Variants in MYLK3 observed in about 807,000 individuals in gnomAD.
MYLK3 encodes MLC kinase.
Under a neutral mutation model 76.3 loss-of-function variants are expected in MYLK3, and 55 were observed. That is an observed-to-expected ratio of 0.72 (90% CI 0.58 to 0.90). The LOEUF is 0.90. MYLK3 is among the 40% of genes least tolerant of loss of function. The pLI is 0.00. For synonymous variants in MYLK3, 416 were observed against 425.4 expected (o/e 0.98, Z 0.27); for missense variants, 973 against 1,053.6 (o/e 0.92, Z 1.06).
At position 46,703,224 on chromosome 16, in the gene MYLK3, C is replaced by T. The variant is rs986369381; in HGVS notation, c.*4480G>A. 1 of 152,194 alleles carries T rather than the reference C, an allele frequency of 6.6e-6. No individual in the cohort carries two copies. Among genetic ancestry groups the T allele is most frequent in the Non-Finnish European group, 1.5e-5 (1 of 68,046 alleles). The allele number at this position is 152,194 out of a possible 1,614,324, so 9.4% of individuals were successfully genotyped here. On this transcript the variant is annotated 3_prime_UTR_variant, in exon 13 of 13. Coordinates refer to ENST00000394809, the MANE Select transcript of MYLK3 (RefSeq NM_182493.3). Reference sequence around the variant, plus strand: ...TCCACTACATGGATGTGGCAAAATTCATTTAACTAAAACCAAACTAATAGG... The same window carrying T: ...TCCACTACATGGATGTGGCAAAATTTATTTAACTAAAACCAAACTAATAGG...
chr16:46,737,415 G>C (rs1397239408), intron 3 of MYLK3, among the ~76,000 whole-genome samples: 2 of 152,118 alleles, frequency 1.3e-5, no homozygotes, highest in Non-Finnish European at 2.9e-5. Context: ...TCCCCATTAG[G>C]ACCACCTGGG....
rs534621310 is a variant in MYLK3 at position 46,736,974 on chromosome 16, G to A, written c.1001+737C>T. On this transcript the variant is annotated intron_variant, in intron 3 of 12. Coordinates refer to ENST00000394809, the MANE Select transcript of MYLK3 (RefSeq NM_182493.3). ...GTTCTAGGGGCAGGGCAGCTGCCAC[G>A]ACTCCACCTCCAGGACTTCTGCGTG... Among the ~76,000 whole-genome samples, 7 of 152,318 alleles carry A rather than the reference G, an allele frequency of 4.6e-5. No individual in the cohort carries two copies. The East Asian group carries it at 1.2e-3, about 25-fold the overall frequency.
chr16:46,712,652 T>C lies in MYLK3; in HGVS notation c.2110A>G (p.Met704Val), dbSNP rs778457659. 61 of 1,531,916 alleles carry C rather than the reference T, an allele frequency of 4.0e-5. No individual in the cohort carries two copies. Among genetic ancestry groups the C allele is most frequent in the Non-Finnish European group, 5.4e-5 (61 of 1,138,098 alleles). The allele number at this position is 1,531,916 out of a possible 1,614,324, so 94.9% of individuals were successfully genotyped here. ...GCCAGGGTGCTAAGCACTCACAGCA[T>C]GTAGGTGATGACTCCCACACTCCAC... ...DMWSVGVITY[M>V]LLSGLSPFLG... is the part of the protein sequence containing the mutation. The change falls in exon 10 of 13, where the codon ATG becomes GTG. Residue 704 changes from methionine (M) to valine (V), a missense_variant. This residue lies in a region of MYLK3 where 332 missense variants were observed against 416.6 expected (regional missense o/e 0.80). Coordinates refer to ENST00000394809, the MANE Select transcript of MYLK3 (RefSeq NM_182493.3).
intron 9 of MYLK3, among the ~76,000 whole-genome samples, chr16:46,720,475 A>G (rs1157811502): frequency 2.0e-5 from 3 of 152,318 alleles, no homozygotes; most frequent in African/African-American, 7.2e-5. Context: ...TGTTGGGATT[A>G]TAAGCATTAG....
intron 1 of MYLK3, among the ~76,000 whole-genome samples, chr16:46,755,212 T>C (rs1967182134): frequency 6.6e-6 from 1 of 151,980 alleles, no homozygotes; most frequent in Non-Finnish European, 1.5e-5. Context: ...GCACGCTTTC[T>C]AAGGAAGCTG....
chr16:46,740,047 T>A lies in MYLK3; in HGVS notation c.568+10A>T, dbSNP rs2143016131. The A allele has an allele frequency of 1.2e-6, 2 of 1,604,902 alleles. No individual in the cohort carries two copies. Among genetic ancestry groups the A allele is most frequent in the Middle Eastern group, 1.7e-4 (1 of 5,862 alleles). On this transcript the variant is annotated intron_variant, in intron 2 of 12. Transcript: ENST00000394809. ...GCAATGTTAGATAAAGCAAATGGGGTCCCACTCACCTTCCCCAGGCTCCCT... is the reference window on the plus strand; with the variant it reads ...GCAATGTTAGATAAAGCAAATGGGGACCCACTCACCTTCCCCAGGCTCCCT...
chr16:46,723,838 G>A (rs1346896444), intron 8 of MYLK3, among the ~76,000 whole-genome samples: 4 of 152,078 alleles, frequency 2.6e-5, no homozygotes, highest in Non-Finnish European at 5.9e-5. Flanking sequence ...TAGTAGATAT[G>A]GGGCTTCTCC....
In MYLK3 at chr16:46,702,784, G is replaced by A. The variant is rs1966588049; in HGVS notation, c.*4920C>T. 6.6e-6 allele frequency among the ~76,000 whole-genome samples: 1 copy of A among 152,094 alleles called. No homozygotes were observed. The highest frequency in any genetic ancestry group is 1.5e-5 in the Non-Finnish European group (1 of 68,016). On this transcript the variant is annotated 3_prime_UTR_variant, in exon 13 of 13. Transcript: ENST00000394809. Reference sequence around the variant, plus strand: ...AAAACACAAAAATTAGCTGGGCGTGGTGGCGCATGCCTGTAGTCCCAGCTA... The same window carrying A: ...AAAACACAAAAATTAGCTGGGCGTGATGGCGCATGCCTGTAGTCCCAGCTA...
intron 1 of MYLK3, among the ~76,000 whole-genome samples, chr16:46,744,638 AG>A (rs1466804712): frequency 6.6e-6 from 1 of 151,134 alleles, no homozygotes; most frequent in Non-Finnish European, 1.5e-5. Context: ...CACCTCGCCC[AG>A]CCTAAAATAT....
Position 46,717,249 on chromosome 16 carries a change from C to A in MYLK3, c.1985+3874G>T, listed in dbSNP as rs1966750402. Among the ~76,000 whole-genome samples the A allele has an allele frequency of 2.0e-5, 3 of 152,160 alleles. No individual in the cohort carries two copies. The South Asian group carries it at 6.2e-4, about 31-fold the overall frequency. On this transcript the variant is annotated intron_variant, in intron 9 of 12. Transcript: ENST00000394809. ...GAACTGCAGGACACCCAGCTGGCAT[C>A]CACTGCTCACTGGTAGGGAACCCAG...
intron 1 of MYLK3, 100 bp downstream of exon 1, chr16:46,747,617 G>C (rs1967050322): frequency 6.0e-6 from 7 of 1,159,958 alleles, no homozygotes; most frequent in South Asian, 5.6e-5. Flanking sequence ...CACAGGAAGG[G>C]GACACCATGC....
intron 9 of MYLK3, among the ~76,000 whole-genome samples, chr16:46,717,474 C>T (rs1596750356): frequency 1.3e-5 from 2 of 152,274 alleles, no homozygotes; most frequent in South Asian, 2.1e-4. Context: ...AATGTTCAGA[C>T]GTGTGAGCCT....
chr16:46,711,957 C>T (rs2143012653), intron 10 of MYLK3, among the ~76,000 whole-genome samples: 1 of 151,114 alleles, frequency 6.6e-6, no homozygotes, highest in Admixed American at 6.6e-5. Flanking sequence ...TTTTATGTCT[C>T]AGTACCAAAA....
chr16:46,711,404 A>C (rs1219372811), intron 10 of MYLK3, among the ~76,000 whole-genome samples: 1 of 152,344 alleles, frequency 6.6e-6, no homozygotes, highest in Non-Finnish European at 1.5e-5. Flanking sequence ...CCACAGCCAG[A>C]CAGAGAAGAA....
chr16:46,753,791 T>A (rs1967161913), intron 1 of MYLK3, among the ~76,000 whole-genome samples: 1 of 152,192 alleles, frequency 6.6e-6, no homozygotes, highest in African/African-American at 2.4e-5. Flanking sequence ...CATGCACCTG[T>A]ACTCCCAGAT....
chr16:46,747,931 G>A lies in MYLK3; in HGVS notation c.263C>T (p.Ala88Val), dbSNP rs1316393679. 1.9e-6 allele frequency: 3 copies of A among 1,613,440 alleles called. No individual in the cohort carries two copies. The African/African-American group carries it at 4.0e-5, about 22-fold the overall frequency. ...ADGVPHIDTQ[A>V]GWPEVLELVR... ...CAGCTCCAGGACCTCGGGCCACCCA[G>A]CCTGGGTGTCAATGTGGGGAACCCC... The change falls in exon 1 of 13, where the codon GCT becomes GTT. Residue 88 changes from alanine (A) to valine (V), a missense_variant. Physicochemically the swap from Ala to Val is moderately conservative, Grantham distance 64. Transcript: ENST00000394809.
chr16:46,744,114 C>T (rs1183540667), intron 1 of MYLK3, among the ~76,000 whole-genome samples: 5 of 152,140 alleles, frequency 3.3e-5, no homozygotes, highest in Non-Finnish European at 7.3e-5. Context: ...CTCACTGCAA[C>T]CTCCGCCTCC....
chr16:46,758,302 ACACTCTCTCTCTCTCTCT>A (rs1343716408), intron 1 of MYLK3, among the ~76,000 whole-genome samples: 3 of 53,880 alleles, frequency 5.6e-5, no homozygotes, highest in African/African-American at 2.8e-4. Flanking sequence ...ACACACACAC[ACACTCTCTCTCTCTCTCT>A]CTCTCTCTCT....
At chr16:46,725,427 G>A (rs1460196621) in intron 8 of MYLK3, among the ~76,000 whole-genome samples, 1 of 152,118 alleles carries the variant, frequency 6.6e-6, no homozygotes, top group Non-Finnish European at 1.5e-5. Context: ...TTCACAAATG[G>A]CCGTTATCAG....
Sources: allele counts gnomAD v4.1 joint callset (sites outside exome capture counted in the v4.1 genomes callset), GRCh38; gene constraint gnomAD v4.1.1; regional missense constraint gnomAD v4.1.1; transcripts MANE v1.5; gene names NCBI Gene and HGNC (gene_info 2026-07-23, HGNC 2026-07-21).